SMAP1: variants seen among roughly 807,000 people sequenced by gnomAD.
The protein encoded by SMAP1 is small ArfGAP 1.
A neutral mutation model predicts 58.5 loss-of-function variants in SMAP1; 24 were observed. That is an observed-to-expected ratio of 0.41 (90% CI 0.30 to 0.58). The LOEUF (loss-of-function observed/expected upper bound fraction) is 0.58. Among genes scored for constraint, SMAP1 ranks in the 20% least tolerant of loss-of-function variants. SMAP1 has a pLI of 0.29. For missense variants in SMAP1, 563 were observed against 566.3 expected (o/e 0.99, Z 0.06); for synonymous variants, 216 against 196.6 (o/e 1.10, Z -0.82).
intron 1 of SMAP1, among the ~76,000 whole-genome samples, chr6:70,682,334 G>A (rs1766752058): frequency 6.6e-6 from 1 of 151,624 alleles, no homozygotes; most frequent in African/African-American, 2.4e-5. Context: ...GATTACAGGC[G>A]CCCACCACCA....
At chr6:70,851,098 C>A (rs1182661212) in intron 7 of SMAP1, among the ~76,000 whole-genome samples, 1 of 151,956 alleles carries the variant, frequency 6.6e-6, no homozygotes, top group African/African-American at 2.4e-5. Flanking sequence ...CAATATATTT[C>A]TTTTAATGGT....
At chr6:70,721,518 G>T (rs1193861807) in intron 1 of SMAP1, among the ~76,000 whole-genome samples, 1 of 152,098 alleles carries the variant, frequency 6.6e-6, no homozygotes, top group African/African-American at 2.4e-5. Context: ...CTTGTCTTCT[G>T]AGCCTTCCAA....
intron 4 of SMAP1, among the ~76,000 whole-genome samples, chr6:70,786,701 A>G (rs913045932): frequency 1.2e-4 from 19 of 152,194 alleles, no homozygotes; most frequent in Non-Finnish European, 1.8e-4. Flanking sequence ...ACTCCCCTTC[A>G]CAATTACTAC....
At chr6:70,783,414 C>T (rs547566544) in intron 4 of SMAP1, among the ~76,000 whole-genome samples, 32 of 152,316 alleles carry the variant, frequency 2.1e-4, no homozygotes, top group South Asian at 4.1e-4. Context: ...TCCAAAGGAA[C>T]GCAGTTCCTC....
rs75484761 is a variant in SMAP1 at position 70,755,706 on chromosome 6, G to A, written c.338+641G>A. The stretch of plus-strand genomic sequence containing the variant: ...ATGTTATGACTGATTCTTCTTGATT[G>A]TTCTCCATCTCTCAATTGGAAAGTA... On this transcript the variant is annotated intron_variant, in intron 3 of 10. Transcript: ENST00000370455. Among the ~76,000 whole-genome samples the A allele has an allele frequency of 2.3e-3, 352 of 152,018 alleles. 1 individual carries two copies. The highest frequency in any genetic ancestry group is 6.8e-3 in the Middle Eastern group (2 of 294).
At chr6:70,682,984 A>G (rs1168333559) in intron 1 of SMAP1, among the ~76,000 whole-genome samples, 2 of 151,836 alleles carry the variant, frequency 1.3e-5, no homozygotes, top group Non-Finnish European at 2.9e-5. Context: ...GTTGCAGTGA[A>G]AGGAGATCGT....
At chr6:70,751,547 C>T (rs1279345869) in intron 2 of SMAP1, among the ~76,000 whole-genome samples, 1 of 151,442 alleles carries the variant, frequency 6.6e-6, no homozygotes, top group African/African-American at 2.4e-5. Flanking sequence ...CAGAGTCCTC[C>T]CCTTTCTTTT....
intron 1 of SMAP1, among the ~76,000 whole-genome samples, chr6:70,685,390 T>G (rs1253725636): frequency 6.6e-6 from 1 of 152,094 alleles, no homozygotes; most frequent in Non-Finnish European, 1.5e-5. Context: ...AGCCTTTACT[T>G]TAAAGAGGCA....
At chr6:70,775,298 T>C (rs896268239) in intron 4 of SMAP1, among the ~76,000 whole-genome samples, 1 of 152,166 alleles carries the variant, frequency 6.6e-6, no homozygotes, top group Non-Finnish European at 1.5e-5. Context: ...TTAAACACTT[T>C]TAAAATATAA....
At chr6:70,853,024 C>A (rs1231104214) in intron 8 of SMAP1, among the ~76,000 whole-genome samples, 1 of 152,118 alleles carries the variant, frequency 6.6e-6, no homozygotes, top group Admixed American at 6.5e-5. Flanking sequence ...AGTGGAAAAA[C>A]CCTGACTACC....
intron 3 of SMAP1, among the ~76,000 whole-genome samples, chr6:70,759,069 A>G (rs1299823408): frequency 1.2e-4 from 18 of 152,062 alleles, no homozygotes; most frequent in Admixed American, 1.2e-3. Flanking sequence ...GGGTCAGCTT[A>G]TGTTTACCTA....
intron 6 of SMAP1, among the ~76,000 whole-genome samples, chr6:70,811,975 C>A (rs978632488): frequency 1.3e-5 from 2 of 152,114 alleles, no homozygotes; most frequent in South Asian, 4.1e-4. Flanking sequence ...GCGTATAAAG[C>A]GTGGATGTGC....
chr6:70,692,911 G>A (rs2149819882), intron 1 of SMAP1, among the ~76,000 whole-genome samples: 2 of 152,244 alleles, frequency 1.3e-5, no homozygotes, highest in Middle Eastern at 6.8e-3. Flanking sequence ...AGCCTCCCGA[G>A]TAGCTGGGAC....
chr6:70,826,093 G>A (rs193244312), intron 6 of SMAP1, among the ~76,000 whole-genome samples: 1 of 152,314 alleles, frequency 6.6e-6, no homozygotes, highest in East Asian at 1.9e-4. Flanking sequence ...AAGCACTTAT[G>A]TGCCAGCTAC....
At chr6:70,769,614 C>A (rs1023559806) in intron 3 of SMAP1, among the ~76,000 whole-genome samples, 1 of 152,130 alleles carries the variant, frequency 6.6e-6, no homozygotes, top group African/African-American at 2.4e-5. Context: ...GGTAGATCTT[C>A]CTCCATCCCT....
At chr6:70,753,032 C>T (rs571869624) in intron 2 of SMAP1, among the ~76,000 whole-genome samples, 2 of 151,710 alleles carry the variant, frequency 1.3e-5, no homozygotes, top group East Asian at 3.9e-4. Flanking sequence ...ATGTACATAT[C>T]TGCCTTGTTC....
At chr6:70,827,080 T>C (rs1770162440) in intron 6 of SMAP1, among the ~76,000 whole-genome samples, 1 of 151,390 alleles carries the variant, frequency 6.6e-6, no homozygotes, top group South Asian at 2.1e-4. Context: ...GATCAGATAG[T>C]AAGGTAGATT....
chr6:70,783,068 G>A (rs967713677), intron 4 of SMAP1, among the ~76,000 whole-genome samples: 16 of 152,152 alleles, frequency 1.1e-4, no homozygotes, highest in Non-Finnish European at 2.4e-4. Context: ...ACACGACTGG[G>A]TACTCCTCTG....
intron 3 of SMAP1, among the ~76,000 whole-genome samples, chr6:70,770,740 C>G (rs1767252532): frequency 6.6e-6 from 1 of 152,176 alleles, no homozygotes; most frequent in Non-Finnish European, 1.5e-5. Flanking sequence ...AAGCCTTTTT[C>G]TCTCAACTTG....
Sources: allele counts gnomAD v4.1 joint callset (sites outside exome capture counted in the v4.1 genomes callset), GRCh38; gene constraint gnomAD v4.1.1; transcripts MANE v1.5; gene names NCBI Gene and HGNC (gene_info 2026-07-23, HGNC 2026-07-21).